The following ME3 variants were observed in gnomAD, a reference collection of about 807,000 sequenced individuals.
ME3 encodes malic enzyme 3, also known as NADP-dependent malic enzyme, mitochondrial.
ME3 carries 48 observed loss-of-function variants against 68.9 expected under a neutral mutation model. The ratio of observed to expected loss-of-function variants is 0.70; its 90% CI spans 0.55 to 0.89. The LOEUF (loss-of-function observed/expected upper bound fraction) is 0.89, where lower values mean the gene tolerates loss of function less well. Ranked by LOEUF, ME3 falls within the 40% of genes least tolerant of loss-of-function variation. The probability of loss-of-function intolerance (pLI) is 0.00; values close to 1 mark genes in which losing one functional copy is unlikely to be tolerated. For synonymous variants in ME3, 320 were observed against 318.8 expected (o/e 1.00, Z -0.04); for missense variants, 675 against 797.4 (o/e 0.85, Z 1.85).
At position 86,474,794 on chromosome 11, in the gene ME3, C is replaced by T. The variant is rs532330552; in HGVS notation, c.810-9594G>A. 3.3e-5 allele frequency among the ~76,000 whole-genome samples: 5 copies of T among 152,292 alleles called. No individual in the cohort carries two copies. In the South Asian group the frequency reaches 8.3e-4, roughly 25 times the overall value. ...TGATCACCTTATGCCCTTTATCAAC[C>T]TTGATCAACGCTGCAGGCAAGGCCA... On this transcript the variant is annotated intron_variant, in intron 7 of 14. Coordinates refer to ENST00000543262, the Ensembl canonical transcript of ME3.
intron 2 of ME3, among the ~76,000 whole-genome samples, chr11:86,598,216 G>A (rs1173373601): frequency 6.6e-6 from 1 of 152,182 alleles, no homozygotes; most frequent in Non-Finnish European, 1.5e-5. Context: ...GTGAGAGAAT[G>A]GCATCTGGAA....
At chr11:86,456,229 A>T (rs762122148) in intron 8 of ME3, among the ~76,000 whole-genome samples, 1 of 152,166 alleles carries the variant, frequency 6.6e-6, no homozygotes, top group Non-Finnish European at 1.5e-5. Context: ...AGTCTGTTTC[A>T]GGACAGCCTT....
At chr11:86,622,342 A>G (rs1275153234) in intron 2 of ME3, among the ~76,000 whole-genome samples, 2 of 151,942 alleles carry the variant, frequency 1.3e-5, no homozygotes, top group Admixed American at 1.3e-4. Flanking sequence ...TACTACAGAC[A>G]CTGCCATATC....
At chr11:86,459,364 T>C (rs1399741360) in intron 8 of ME3, among the ~76,000 whole-genome samples, 1 of 152,136 alleles carries the variant, frequency 6.6e-6, no homozygotes, top group Non-Finnish European at 1.5e-5. Flanking sequence ...CTGCCTTAAG[T>C]CTCCTCTTTC....
intron 2 of ME3, among the ~76,000 whole-genome samples, chr11:86,574,949 A>G (rs1958016368): frequency 8.5e-6 from 1 of 117,950 alleles, no homozygotes; most frequent in Admixed American, 7.7e-5. Context: ...TGTTCACTCC[A>G]TTTTCTGTGA....
At chr11:86,608,095 A>T (rs992467980) in intron 2 of ME3, among the ~76,000 whole-genome samples, 4 of 152,214 alleles carry the variant, frequency 2.6e-5, no homozygotes, top group African/African-American at 9.6e-5. Flanking sequence ...TAAGGTTACA[A>T]TGCAAAAGAA....
At chr11:86,544,021 A>G (rs1288762515) in intron 4 of ME3, among the ~76,000 whole-genome samples, 2 of 149,090 alleles carry the variant, frequency 1.3e-5, no homozygotes, top group Non-Finnish European at 3.0e-5. Flanking sequence ...CTGCACAACT[A>G]CATGTAAACT....
intron 2 of ME3, among the ~76,000 whole-genome samples, chr11:86,588,667 C>G (rs996463161): frequency 6.6e-6 from 1 of 152,176 alleles, no homozygotes; most frequent in African/African-American, 2.4e-5. Context: ...AATGTGGCTA[C>G]TGAATGGAGA....
chr11:86,574,404 G>A (rs536249042), intron 2 of ME3, among the ~76,000 whole-genome samples: 18,133 of 146,830 alleles, frequency 0.12, 2,174 homozygotes, highest in African/African-American at 0.23. Context: ...TGCCGGGGGG[G>A]GGGGGGGTGT....
intron 4 of ME3, among the ~76,000 whole-genome samples, chr11:86,533,588 C>A (rs1182568744): frequency 1.3e-5 from 2 of 152,176 alleles, no homozygotes; most frequent in Non-Finnish European, 2.9e-5. Context: ...TAATGTCAAT[C>A]TTTCTCAAAT....
At chr11:86,545,992 G>C (rs547079585) in intron 4 of ME3, among the ~76,000 whole-genome samples, 1 of 152,136 alleles carries the variant, frequency 6.6e-6, no homozygotes, top group African/African-American at 2.4e-5. Flanking sequence ...CAGAACAGAG[G>C]CCTCAGAAAT....
chr11:86,628,593 C>G (rs998260919), intron 2 of ME3, among the ~76,000 whole-genome samples: 1 of 152,206 alleles, frequency 6.6e-6, no homozygotes, highest in African/African-American at 2.4e-5. Context: ...TACAGTGGCT[C>G]TGTCCTCATA....
intron 2 of ME3, among the ~76,000 whole-genome samples, chr11:86,653,393 G>T (rs984460653): frequency 6.6e-6 from 1 of 152,174 alleles, no homozygotes; most frequent in African/African-American, 2.4e-5. Flanking sequence ...ATAACAAACT[G>T]TCTCTCAGAC....
chr11:86,495,469 C>CA (rs2138997301), intron 6 of ME3, among the ~76,000 whole-genome samples: 2 of 152,326 alleles, frequency 1.3e-5, no homozygotes, highest in African/African-American at 4.8e-5. Context: ...GAATCAAACT[C>CA]AATCTGTTCC....
intron 2 of ME3, among the ~76,000 whole-genome samples, chr11:86,628,082 G>A (rs1033452102): frequency 6.6e-6 from 1 of 152,232 alleles, no homozygotes; most frequent in Non-Finnish European, 1.5e-5. Flanking sequence ...ATGATTCAAT[G>A]GGGAAGATGG....
intron 7 of ME3, among the ~76,000 whole-genome samples, chr11:86,475,407 T>G (rs116390962): frequency 0.041 from 6,310 of 152,300 alleles, 135 homozygotes; most frequent in South Asian, 0.1. Flanking sequence ...GCACCATGCT[T>G]CCTGTAAAGC....
intron 2 of ME3, among the ~76,000 whole-genome samples, chr11:86,630,407 C>T (rs1210692683): frequency 6.6e-6 from 1 of 152,178 alleles, no homozygotes; most frequent in African/African-American, 2.4e-5. Flanking sequence ...CAGAGCCTCT[C>T]CTGTATCCTT....
At chr11:86,536,079 T>A (rs1289365548) in intron 4 of ME3, among the ~76,000 whole-genome samples, 2 of 152,136 alleles carry the variant, frequency 1.3e-5, no homozygotes, top group African/African-American at 4.8e-5. Flanking sequence ...TTGTACAGGT[T>A]TGGGGAGTCA....
At chr11:86,646,113 G>T (rs970418071) in intron 2 of ME3, among the ~76,000 whole-genome samples, 1 of 152,182 alleles carries the variant, frequency 6.6e-6, no homozygotes, top group Non-Finnish European at 1.5e-5. Flanking sequence ...GGGCAAAAAG[G>T]CTGAAAATGC....
Sources: allele counts gnomAD v4.1 joint callset (sites outside exome capture counted in the v4.1 genomes callset), GRCh38; gene constraint gnomAD v4.1.1; transcripts MANE v1.5; gene names NCBI Gene and HGNC (gene_info 2026-07-23, HGNC 2026-07-21).